ANKRD37: variants seen among roughly 807,000 people sequenced by gnomAD.
ANKRD37 encodes the protein ankyrin repeat domain 37, also known as ankyrin repeat domain-containing protein 37.
A neutral mutation model predicts 19.7 loss-of-function variants in ANKRD37; 17 were observed. The ratio of observed to expected loss-of-function variants is 0.86; its 90% CI spans 0.59 to 1.29. The LOEUF (loss-of-function observed/expected upper bound fraction) is 1.29. ANKRD37 is among the 50% of genes most tolerant of loss of function. The probability of loss-of-function intolerance (pLI) is 0.00; values close to 1 mark genes in which losing one functional copy is unlikely to be tolerated. For missense variants in ANKRD37, 207 were observed against 190.4 expected (o/e 1.09, Z -0.51); for synonymous variants, 79 against 74.5 (o/e 1.06, Z -0.31).
intron 3 of ANKRD37, 76 bp from the exon 4 acceptor site, chr4:185,399,494 A>T: frequency 6.7e-7 from 1 of 1,497,562 alleles, no homozygotes; most frequent in Non-Finnish European, 9.0e-7. Context: ...TATGAGCCCA[A>T]AATTCCCTTG....
intron 2 of ANKRD37, 29 bp from the exon 3 acceptor site, chr4:185,398,908 G>T (rs753060486): frequency 1.9e-6 from 3 of 1,579,940 alleles, no homozygotes; most frequent in South Asian, 2.2e-5. Flanking sequence ...GTTTTTGGGA[G>T]ACTCTAAAAT....
At chr4:185,399,877 T>G in intron 4 of ANKRD37, 104 bp downstream of exon 4, 1 of 1,547,606 alleles carries the variant, frequency 6.5e-7, no homozygotes, top group East Asian at 2.3e-5. Context: ...CTAGTAGTAT[T>G]GTTTCATTCT....
chr4:185,400,638 A>G, downstream of ANKRD37: 1 of 477,970 alleles, frequency 2.1e-6, no homozygotes, highest in Non-Finnish European at 3.7e-6. Context: ...AAAGTAACGT[A>G]TCTTACCCTT....
Position 185,399,755 on chromosome 4 carries a change from G to C in ANKRD37, c.458G>C (p.Ser153Thr). 1.9e-6 allele frequency: 3 copies of C among 1,614,112 alleles called. No individual in the cohort carries two copies. The highest frequency in any genetic ancestry group is 2.2e-5 in the South Asian group (2 of 91,074). ...AGTCTCGGAAGTGTAGAAAATACCA[G>C]TGGGAAAAGGAAGTGCTGGTAAGTA... Reference protein sequence around the residue: ...KRSLGSVENTSGKRKC With the variant: ...KRSLGSVENTTGKRKC The change falls in exon 4 of 5, where the codon AGT (serine) becomes ACT (threonine). Residue 153 changes from serine to threonine, a missense_variant. Ser to Thr is a moderately conservative substitution (Grantham distance 58). Transcript: ENST00000335174.
At chr4:185,399,975 T>C (rs747107656) in intron 4 of ANKRD37, 42 bp from the exon 5 acceptor site, 7 of 1,594,654 alleles carry the variant, frequency 4.4e-6, no homozygotes, top group Non-Finnish European at 6.0e-6. Context: ...TAAAACTCTT[T>C]TTAAAAAAAA....
intron 1 of ANKRD37, 76 bp from the exon 2 acceptor site, chr4:185,397,074 G>A (rs1399874021): frequency 1.9e-6 from 3 of 1,609,130 alleles, no homozygotes; most frequent in African/African-American, 1.3e-5. Flanking sequence ...TGTGAAGGGC[G>A]GGGAGGTTTC....
intron 1 of ANKRD37, 70 bp downstream of exon 1, chr4:185,397,020 T>G (rs909188096): frequency 6.2e-7 from 1 of 1,610,822 alleles, no homozygotes; most frequent in Non-Finnish European, 8.5e-7. Flanking sequence ...GTCTTCTCGT[T>G]AATGCGGGGA....
In ANKRD37 at chr4:185,397,257, C is replaced by G. The variant is rs1561101465; in HGVS notation, c.135C>G (p.Cys45Trp). 4.3e-6 allele frequency: 7 copies of G among 1,614,078 alleles called. No individual in the cohort carries two copies. Among genetic ancestry groups the G allele is most frequent in the Non-Finnish European group, 5.9e-6 (7 of 1,180,026 alleles). The change falls in exon 2 of 5, where the codon TGC becomes TGG. Residue 45 changes from cysteine to tryptophan, a missense_variant. By Grantham distance (215) the Cys-to-Trp change is radical (BLOSUM62 -2). Transcript: ENST00000335174. ...TAGCCGCAGGAAGCGGCCTTGCTTG[C>G]TTTCTTCTCTGGCAGCTGCAAACGG... ...VHLAAGSGLA[C>W]FLLWQLQTGA... is the part of the protein sequence containing the mutation.
At chr4:185,398,146 C>T (rs909526771) in intron 2 of ANKRD37, among the ~76,000 whole-genome samples, 1 of 151,980 alleles carries the variant, frequency 6.6e-6, no homozygotes. Flanking sequence ...TTAGTAGAGA[C>T]AGGGTTTCAC....
intron 2 of ANKRD37, chr4:185,397,656 T>C (rs75343059): frequency 0.065 from 14,701 of 227,396 alleles, 573 homozygotes; most frequent in African/African-American, 0.086. Context: ...TGTGACAGCG[T>C]ATCTCAAATC....
At chr4:185,399,882 C>A in intron 4 of ANKRD37, 109 bp downstream of exon 4, 1 of 1,545,230 alleles carries the variant, frequency 6.5e-7, no homozygotes, top group Non-Finnish European at 8.7e-7. Flanking sequence ...AGTATTGTTT[C>A]ATTCTCATTA....
chr4:185,398,925 T>C lies in ANKRD37; in HGVS notation c.181-12T>C, dbSNP rs76073842. The C allele has an allele frequency of 0.061, 98,223 of 1,610,274 alleles. 3,352 individuals carry two copies. The highest frequency in any genetic ancestry group is 0.085 in the African/African-American group (6,396 of 74,874). On this transcript the variant is annotated splice_polypyrimidine_tract_variant and intron_variant, in intron 2 of 4. Transcript: ENST00000335174. ...TTTTGGGAGACTCTAAAATGCACCA[T>C]CTTACCTTAAGGATGTTTTAGGAGA...
chr4:185,400,470 G>T, downstream of ANKRD37: 1 of 1,612,610 alleles, frequency 6.2e-7, no homozygotes, highest in Non-Finnish European at 8.5e-7. Flanking sequence ...CCTTCCATCC[G>T]CACCAGCCCT....
rs754535229 is a variant in ANKRD37, at chr4:185,399,716, T to G, written c.419T>G (p.Leu140Arg). 1.9e-6 allele frequency: 3 copies of G among 1,614,170 alleles called. No individual in the cohort carries two copies. Among genetic ancestry groups the G allele is most frequent in the Non-Finnish European group, 8.5e-7 (1 of 1,180,028 alleles). Residue 140 changes from leucine (L) to arginine (R), a missense_variant, in exon 4 of 5, where the codon CTC (leucine) becomes CGC (arginine). Leu to Arg is a moderately radical substitution (Grantham distance 102). Transcript: ENST00000335174. ...GACAGGAATGATTGTGTTGCCGTGCTCAGACAGAAACGGAGTCTCGGAAGT... is the reference window on the plus strand; with the variant it reads ...GACAGGAATGATTGTGTTGCCGTGCGCAGACAGAAACGGAGTCTCGGAAGT... The part of the protein sequence containing the change: ...HPDRNDCVAV[L>R]RQKRSLGSVE...
At position 185,399,611 on chromosome 4, in the gene ANKRD37, G is replaced by C. The variant is rs754163591; in HGVS notation, c.314G>C (p.Trp105Ser). 4 of 1,614,172 alleles carry C rather than the reference G, an allele frequency of 2.5e-6. No homozygotes were observed. Among genetic ancestry groups the C allele is most frequent in the Non-Finnish European group, 3.4e-6 (4 of 1,180,016 alleles). ...GGGCAAACAGCTGAAGATCTCGCTT[G>C]GTCATGTGGATTTCCAGACTGTGCC... ...KNGQTAEDLA[W>S]SCGFPDCAKF... The change falls in exon 4 of 5, where the codon TGG becomes TCG. Residue 105 changes from tryptophan (W) to serine (S), a missense_variant. Transcript: ENST00000335174.
chr4:185,400,291 A>G, downstream of ANKRD37: 2 of 989,964 alleles, frequency 2.0e-6, no homozygotes, highest in South Asian at 3.2e-5. Flanking sequence ...CATAATTTAA[A>G]TCGTCAAACT....
chr4:185,400,631 G>C, downstream of ANKRD37: 2 of 498,814 alleles, frequency 4.0e-6, no homozygotes, highest in Non-Finnish European at 7.2e-6. Context: ...GCATAGAAAA[G>C]TAACGTATCT....
chr4:185,397,183 G>T lies in ANKRD37; in HGVS notation c.61G>T (p.Ala21Ser). Residue 21 changes from alanine to serine, a missense_variant, in exon 2 of 5, where the codon GCC (alanine) becomes TCC (serine). By Grantham distance (99) the Ala-to-Ser change is moderately conservative. Coordinates refer to ENST00000335174, the MANE Select transcript of ANKRD37 (RefSeq NM_181726.4). ...DGLKHLLETG[A>S]SVNAPPDPCK... The stretch of plus-strand genomic sequence containing the variant: ...TCTGAAGCATTTGCTGGAGACAGGG[G>T]CCTCGGTCAACGCACCCCCGGATCC... 1 of 1,613,744 alleles carries T rather than the reference G, an allele frequency of 6.2e-7. No homozygotes were observed. The highest frequency in any genetic ancestry group is 8.5e-7 in the Non-Finnish European group (1 of 1,180,004).
chr4:185,400,542 G>T, downstream of ANKRD37: 1 of 1,225,858 alleles, frequency 8.2e-7, no homozygotes, highest in Non-Finnish European at 1.2e-6. Context: ...CATGGAAATC[G>T]TGACATCAGG....
Sources: gnomAD v4.1 joint callset for allele counts (sites outside exome capture counted in the v4.1 genomes callset) on GRCh38, gnomAD v4.1.1 for gene constraint, MANE v1.5 for transcripts, NCBI Gene and HGNC (gene_info 2026-07-23, HGNC 2026-07-21) for gene names.